Variants in CCSER1 observed in about 807,000 individuals in gnomAD.
The protein encoded by CCSER1 is serine-rich coiled-coil domain-containing protein 1.
In CCSER1, 41 loss-of-function variants were observed where a neutral mutation model predicts 82.0. The ratio of observed to expected loss-of-function variants is 0.50; its 90% CI spans 0.39 to 0.65. CCSER1 has a LOEUF of 0.65. CCSER1 is among the 30% of genes least tolerant of loss of function. The probability of loss-of-function intolerance (pLI) is 0.00; values close to 1 mark genes in which losing one functional copy is unlikely to be tolerated. For missense variants in CCSER1, 1,119 were observed against 1,064.2 expected (o/e 1.05, Z -0.72); for synonymous variants, 414 against 383.9 (o/e 1.08, Z -0.92).
intron 8 of CCSER1, among the ~76,000 whole-genome samples, chr4:90,837,248 A>G (rs538450919): frequency 2.6e-5 from 4 of 152,262 alleles, no homozygotes; most frequent in Non-Finnish European, 4.4e-5. Context: ...CTAAGTATAT[A>G]TCTTTTTAAC....
intron 10 of CCSER1, among the ~76,000 whole-genome samples, chr4:91,575,013 G>A (rs886630970): frequency 2.0e-5 from 3 of 151,856 alleles, no homozygotes; most frequent in East Asian, 3.9e-4. Context: ...GATAAAAAGA[G>A]GTACATAGGT....
intron 6 of CCSER1, among the ~76,000 whole-genome samples, chr4:90,718,683 A>G (rs1742124271): frequency 6.6e-6 from 1 of 152,196 alleles, no homozygotes; most frequent in Non-Finnish European, 1.5e-5. Context: ...TGAAAGTTTT[A>G]AAAGCTCTGA....
At chr4:91,181,261 C>T (rs1387890868) in intron 10 of CCSER1, among the ~76,000 whole-genome samples, 1 of 152,224 alleles carries the variant, frequency 6.6e-6, no homozygotes, top group East Asian at 1.9e-4. Flanking sequence ...AGCTACTTCT[C>T]ACAGGAGTCA....
At chr4:90,608,884 TAAAG>T (rs1785093456) in intron 5 of CCSER1, among the ~76,000 whole-genome samples, 1 of 152,128 alleles carries the variant, frequency 6.6e-6, no homozygotes, top group African/African-American at 2.4e-5. Context: ...TGTTTTATAA[TAAAG>T]AAAATACCTT....
intron 8 of CCSER1, among the ~76,000 whole-genome samples, chr4:90,864,770 C>T (rs1247320564): frequency 1.3e-5 from 2 of 151,950 alleles, no homozygotes; most frequent in Non-Finnish European, 2.9e-5. Context: ...GCAATCTAGG[C>T]ACAATCTCTG....
chr4:90,896,474 T>C lies in CCSER1; in HGVS notation c.2095-26896T>C, dbSNP rs890408474. Among the ~76,000 whole-genome samples, 6 of 152,110 alleles carry C rather than the reference T, an allele frequency of 3.9e-5. No individual in the cohort carries two copies. The East Asian group carries it at 9.7e-4, about 24-fold the overall frequency. ...TAAGTGACTGGCATCACGAATATTT[T>C]GGTAATATTCTGAAAATAATTATTT... On this transcript the variant is annotated intron_variant, in intron 8 of 10. Transcript: ENST00000509176.
rs565335720 is a variant in CCSER1, at chr4:90,252,742, A to G, written c.-41-55502A>G. ...CCAATTTTCCAAATTAAAAAAATTA[A>G]TTTTTAATGTTATTCCTTTGTGGCT... On this transcript the variant is annotated intron_variant, in intron 1 of 10. Coordinates refer to ENST00000509176, the MANE Select transcript of CCSER1 (RefSeq NM_001145065.2). Among the ~76,000 whole-genome samples, 9 of 152,012 alleles carry G rather than the reference A, an allele frequency of 5.9e-5. No individual in the cohort carries two copies. In the East Asian group the frequency reaches 1.5e-3, roughly 26 times the overall value.
chr4:91,454,312 C>T (rs1444838755), intron 10 of CCSER1, among the ~76,000 whole-genome samples: 1 of 152,052 alleles, frequency 6.6e-6, no homozygotes, highest in Non-Finnish European at 1.5e-5. Flanking sequence ...TCTCCAGCTC[C>T]TAGATCTGCA....
chr4:90,391,272 CAA>C (rs1215360899), intron 3 of CCSER1, among the ~76,000 whole-genome samples: 2 of 35,024 alleles, frequency 5.7e-5, no homozygotes, highest in Non-Finnish European at 9.1e-5. Flanking sequence ...GACTCTGTCT[CAA>C]AAAAAAAAAA....
intron 1 of CCSER1, among the ~76,000 whole-genome samples, chr4:90,270,283 G>C (rs1726012748): frequency 6.6e-6 from 1 of 151,940 alleles, no homozygotes; most frequent in African/African-American, 2.4e-5. Flanking sequence ...CTAGCAAACT[G>C]AATTCAGCAA....
intron 10 of CCSER1, among the ~76,000 whole-genome samples, chr4:91,563,850 C>T (rs1056452098): frequency 1.3e-5 from 2 of 151,730 alleles, no homozygotes; most frequent in African/African-American, 2.4e-5. Context: ...CAGTAGGATG[C>T]TGGATGCAAA....
chr4:90,584,337 C>T (rs1031573871), intron 5 of CCSER1, among the ~76,000 whole-genome samples: 16 of 151,984 alleles, frequency 1.1e-4, no homozygotes, highest in East Asian at 5.8e-4. Flanking sequence ...AGAAACCACA[C>T]GGCAAAGAAT....
At chr4:91,527,325 A>T (rs1760814958) in intron 10 of CCSER1, among the ~76,000 whole-genome samples, 3 of 152,192 alleles carry the variant, frequency 2.0e-5, no homozygotes, top group African/African-American at 7.2e-5. Flanking sequence ...AGTGTCTTGA[A>T]TGCTATGCTA....
intron 7 of CCSER1, among the ~76,000 whole-genome samples, chr4:90,732,027 T>TTCTCTCTCTCTCTCTCTCTC (rs76331329): frequency 0.018 from 2,422 of 130,924 alleles, 148 homozygotes; most frequent in African/African-American, 0.066. Flanking sequence ...CTATTGGGAT[T>TTCTCTCTCTCTCTCTCTCTC]TCTCTCTCTC....
At chr4:90,409,157 G>T (rs933474221) in intron 4 of CCSER1, among the ~76,000 whole-genome samples, 1 of 152,204 alleles carries the variant, frequency 6.6e-6, no homozygotes, top group Non-Finnish European at 1.5e-5. Context: ...CATCTAATTG[G>T]TGTACCTGAA....
At chr4:90,651,711 C>A (rs1412974917) in intron 6 of CCSER1, among the ~76,000 whole-genome samples, 1 of 151,552 alleles carries the variant, frequency 6.6e-6, no homozygotes, top group Non-Finnish European at 1.5e-5. Flanking sequence ...GTTTGTAAAG[C>A]AAATAACTTG....
chr4:90,540,813 A>G (rs1277073623), intron 5 of CCSER1, among the ~76,000 whole-genome samples: 1 of 152,070 alleles, frequency 6.6e-6, no homozygotes, highest in Non-Finnish European at 1.5e-5. Context: ...GTTTCCATAT[A>G]TGTAAAGCAA....
intron 5 of CCSER1, among the ~76,000 whole-genome samples, chr4:90,528,623 A>G (rs1030205810): frequency 3.3e-5 from 5 of 152,238 alleles, no homozygotes; most frequent in African/African-American, 1.2e-4. Flanking sequence ...TTTGTGAACC[A>G]TAAGTTTACC....
chr4:91,379,746 C>T (rs1476476862), intron 10 of CCSER1, among the ~76,000 whole-genome samples: 1 of 152,178 alleles, frequency 6.6e-6, no homozygotes, highest in African/African-American at 2.4e-5. Context: ...TCTCTATCTC[C>T]TTCAGTTCTG....
Sources: gnomAD v4.1 joint callset for allele counts (sites outside exome capture counted in the v4.1 genomes callset) on GRCh38, gnomAD v4.1.1 for gene constraint, MANE v1.5 for transcripts, NCBI Gene and HGNC (gene_info 2026-07-23, HGNC 2026-07-21) for gene names.